LRRC4C: variants seen among roughly 807,000 people sequenced by gnomAD.
LRRC4C encodes the protein leucine rich repeat containing 4C, also known as leucine-rich repeat-containing protein 4C.
LRRC4C carries 5 observed loss-of-function variants against 33.6 expected under a neutral mutation model. The ratio of observed to expected loss-of-function variants is 0.15; its 90% CI spans 0.08 to 0.31. The LOEUF (loss-of-function observed/expected upper bound fraction) is 0.31. Among genes scored for constraint, LRRC4C ranks in the 10% least tolerant of loss-of-function variants. The pLI, the probability that LRRC4C is intolerant of heterozygous loss-of-function variation, is 1.00. For missense variants in LRRC4C, 560 were observed against 796.7 expected (o/e 0.70, Z 3.58); for synonymous variants, 329 against 302.0 (o/e 1.09, Z -0.93).
chr11:41,434,153 GCACATCTTCAGACCCCTC>G lies in LRRC4C; in HGVS notation c.-496+25260_-496+25277del, dbSNP rs1955341971. ...CATCACCTGAGATCTTCCTAGAAAT[GCACATCTTCAGACCCCTC>G]CACAGATTCCCAATTTATTTGTAAA... On this transcript the variant is annotated intron_variant, in intron 1 of 6. Transcript: ENST00000528697. 2.0e-5 allele frequency among the ~76,000 whole-genome samples: 3 copies of G among 152,030 alleles called. No homozygotes were observed. The South Asian group carries it at 6.2e-4, about 32-fold the overall frequency.
chr11:40,597,368 T>C (rs1959454587), intron 3 of LRRC4C, among the ~76,000 whole-genome samples: 1 of 152,192 alleles, frequency 6.6e-6, no homozygotes, highest in Non-Finnish European at 1.5e-5. Flanking sequence ...GGACTCTAAA[T>C]ACTTTGTGTT....
chr11:40,966,896 G>A (rs1171161976), intron 1 of LRRC4C, among the ~76,000 whole-genome samples: 3 of 151,900 alleles, frequency 2.0e-5, no homozygotes, highest in Non-Finnish European at 2.9e-5. Flanking sequence ...ACCTTGTCAT[G>A]CTTTTCAAAA....
chr11:41,357,490 C>T (rs1952202970), intron 1 of LRRC4C, among the ~76,000 whole-genome samples: 1 of 151,816 alleles, frequency 6.6e-6, no homozygotes, highest in Non-Finnish European at 1.5e-5. Context: ...AATGTTTCAC[C>T]TCTGATGTAG....
chr11:40,132,081 A>C (rs1856680740), intron 6 of LRRC4C, among the ~76,000 whole-genome samples: 1 of 152,184 alleles, frequency 6.6e-6, no homozygotes, highest in Admixed American at 6.5e-5. Flanking sequence ...TCATACTCTC[A>C]AAGAGATTTA....
chr11:40,687,988 C>CT lies in LRRC4C; in HGVS notation c.-406-39711dup, dbSNP rs60274681. On this transcript the variant is annotated intron_variant, in intron 2 of 6. Coordinates refer to ENST00000528697, the MANE Select transcript of LRRC4C (RefSeq NM_001258419.2). ...AATAAGCATAGCCCTGCTTTACAGA[C>CT]TTTTTTTTTTTCCTGAGGATATTGT... 4.4e-3 allele frequency among the ~76,000 whole-genome samples: 651 copies of CT among 149,480 alleles called. 7 individuals carry two copies. Among genetic ancestry groups the CT allele is most frequent in the Middle Eastern group, 0.01 (3 of 292 alleles).
At chr11:41,178,281 A>G (rs1317072071) in intron 1 of LRRC4C, among the ~76,000 whole-genome samples, 2 of 152,218 alleles carry the variant, frequency 1.3e-5, no homozygotes, top group African/African-American at 4.8e-5. Context: ...GCTTACCCAT[A>G]AGACAGCTGT....
intron 1 of LRRC4C, among the ~76,000 whole-genome samples, chr11:41,129,611 T>C (rs1942919150): frequency 6.6e-6 from 1 of 151,988 alleles, no homozygotes; most frequent in Non-Finnish European, 1.5e-5. Flanking sequence ...TGGATTATTT[T>C]TCCTAAGACC....
At chr11:40,152,503 A>G (rs1428821445) in intron 5 of LRRC4C, among the ~76,000 whole-genome samples, 2 of 152,156 alleles carry the variant, frequency 1.3e-5, no homozygotes, top group Non-Finnish European at 2.9e-5. Flanking sequence ...GGGAAGAACT[A>G]AAGCCATTTT....
At chr11:40,562,894 C>G (rs181673955) in intron 3 of LRRC4C, among the ~76,000 whole-genome samples, 7 of 151,904 alleles carry the variant, frequency 4.6e-5, no homozygotes, top group African/African-American at 1.7e-4. Flanking sequence ...TAGCGTGGCA[C>G]TCTGTGTGGG....
intron 4 of LRRC4C, among the ~76,000 whole-genome samples, chr11:40,309,518 T>TTA (rs1945199045): frequency 6.6e-6 from 1 of 151,570 alleles, no homozygotes; most frequent in African/African-American, 2.4e-5. Context: ...GAAGTGTATT[T>TTA]TTTTTTTTTT....
chr11:40,267,501 G>A (rs559962774), intron 4 of LRRC4C, among the ~76,000 whole-genome samples: 99 of 152,172 alleles, frequency 6.5e-4, no homozygotes, highest in African/African-American at 2.3e-3. Flanking sequence ...ACAGGCGCCC[G>A]CCACCACACC....
intron 3 of LRRC4C, among the ~76,000 whole-genome samples, chr11:40,628,504 A>G (rs535920669): frequency 6.6e-6 from 1 of 152,014 alleles, no homozygotes; most frequent in Admixed American, 6.6e-5. Context: ...ACAAAACAAA[A>G]CAAAACCTAA....
At chr11:40,699,784 G>A (rs1223723400) in intron 2 of LRRC4C, among the ~76,000 whole-genome samples, 1 of 152,086 alleles carries the variant, frequency 6.6e-6, no homozygotes, top group Non-Finnish European at 1.5e-5. Context: ...CTAGTAAGGA[G>A]CTCTAATATT....
chr11:41,146,725 A>G (rs1590748202), intron 1 of LRRC4C, among the ~76,000 whole-genome samples: 1 of 152,210 alleles, frequency 6.6e-6, no homozygotes, highest in African/African-American at 2.4e-5. Flanking sequence ...TATTTTTCCA[A>G]GTGATGTAAT....
chr11:40,114,769 T>C lies in LRRC4C; in HGVS notation c.1524A>G (p.Pro508=), dbSNP rs780663875. ...GGATCCCACTGTTTATATCAGTCACTGGGATGGTGAAGGTTTTCTCTGTCG... is the reference window on the plus strand; with the variant it reads ...GGATCCCACTGTTTATATCAGTCACCGGGATGGTGAAGGTTTTCTCTGTCG... ...TRSTEKTFTI[P]VTDINSGIPG... is the part of the protein sequence containing the mutation. The change falls in exon 7 of 7, where the codon CCA becomes CCG. Residue 508 remains proline (P), a synonymous_variant. Transcript: ENST00000528697. 3.1e-6 allele frequency: 5 copies of C among 1,614,132 alleles called. No homozygotes were observed. The highest frequency in any genetic ancestry group is 4.2e-6 in the Non-Finnish European group (5 of 1,180,004).
chr11:40,249,850 A>G (rs917566563), intron 4 of LRRC4C, among the ~76,000 whole-genome samples: 8 of 152,230 alleles, frequency 5.3e-5, no homozygotes, highest in African/African-American at 1.7e-4. Flanking sequence ...AAAGAGGCAC[A>G]GACAGTATGA....
At position 40,737,860 on chromosome 11, in the gene LRRC4C, G is replaced by GA. The variant is rs375863631; in HGVS notation, c.-406-89583dup. On this transcript the variant is annotated intron_variant, in intron 2 of 6. Coordinates refer to ENST00000528697, the MANE Select transcript of LRRC4C (RefSeq NM_001258419.2). ...ACCATTGACTTTCTTCACGGAATTAGAAAAAACTACTTTAAAGTTCATATG... is the reference window on the plus strand; with the variant it reads ...ACCATTGACTTTCTTCACGGAATTAGAAAAAAACTACTTTAAAGTTCATATG... 9.1e-3 allele frequency among the ~76,000 whole-genome samples: 1,389 copies of GA among 152,166 alleles called. 23 individuals carry two copies. Among genetic ancestry groups the GA allele is most frequent in the African/African-American group, 0.032 (1,317 of 41,512 alleles).
chr11:40,435,007 T>G (rs80254284), intron 3 of LRRC4C, among the ~76,000 whole-genome samples: 72 of 152,162 alleles, frequency 4.7e-4, no homozygotes, highest in African/African-American at 1.6e-3. Context: ...AACATACTTT[T>G]CCCCCAAATC....
intron 5 of LRRC4C, among the ~76,000 whole-genome samples, chr11:40,209,310 CTCTAGTAGAT>C (rs975971843): frequency 1.3e-4 from 20 of 152,026 alleles, no homozygotes; most frequent in Admixed American, 3.9e-4. Flanking sequence ...ATATAAGGTC[CTCTAGTAGAT>C]TCTTCAAAAG....
Sources: gnomAD v4.1 joint callset for allele counts (sites outside exome capture counted in the v4.1 genomes callset) on GRCh38, gnomAD v4.1.1 for gene constraint, MANE v1.5 for transcripts, NCBI Gene and HGNC (gene_info 2026-07-23, HGNC 2026-07-21) for gene names.